The following FARS2 variants were observed in gnomAD, a reference collection of about 807,000 sequenced individuals.
The protein encoded by FARS2 is phenylalanyl-tRNA synthetase 2, mitochondrial, also known as phenylalanine--tRNA ligase, mitochondrial.
In FARS2, 40 loss-of-function variants were observed where a neutral mutation model predicts 46.4. The observed-to-expected ratio is 0.86, with a 90% CI of 0.67 to 1.12. The LOEUF (loss-of-function observed/expected upper bound fraction) is 1.12. FARS2 is among the 50% of genes most tolerant of loss of function. The pLI, the probability that FARS2 is intolerant of heterozygous loss-of-function variation, is 0.00. For missense variants in FARS2, 513 were observed against 567.9 expected (o/e 0.90, Z 0.98); for synonymous variants, 234 against 214.9 (o/e 1.09, Z -0.78).
rs1250274160 is a variant in FARS2 at position 5,481,379 on chromosome 6, G to A, written c.904+50207G>A. Among the ~76,000 whole-genome samples, 8 of 152,266 alleles carry A rather than the reference G, an allele frequency of 5.3e-5. No homozygotes were observed. The East Asian group carries it at 1.5e-3, about 29-fold the overall frequency. ...TTAAGGCTGCCCATGGTGTTGTGAAGGGAGAGTGAAGACATGGGGCACATT... is the reference window on the plus strand; with the variant it reads ...TTAAGGCTGCCCATGGTGTTGTGAAAGGAGAGTGAAGACATGGGGCACATT... On this transcript the variant is annotated intron_variant, in intron 4 of 6. Coordinates refer to ENST00000274680, the MANE Select transcript of FARS2 (RefSeq NM_006567.5).
At chr6:5,370,759 C>A (rs1581910500) in intron 2 of FARS2, among the ~76,000 whole-genome samples, 1 of 152,180 alleles carries the variant, frequency 6.6e-6, no homozygotes, top group East Asian at 1.9e-4. Flanking sequence ...GGAAATTAGC[C>A]TTCACCTTGT....
At chr6:5,539,257 A>T (rs1460066230) in intron 4 of FARS2, among the ~76,000 whole-genome samples, 2 of 150,352 alleles carry the variant, frequency 1.3e-5, no homozygotes, top group African/African-American at 4.9e-5. Flanking sequence ...CCCAGACTGG[A>T]GTGCAGTGGC....
chr6:5,488,272 A>G (rs1766897845), intron 4 of FARS2, among the ~76,000 whole-genome samples: 1 of 152,216 alleles, frequency 6.6e-6, no homozygotes, highest in Admixed American at 6.5e-5. Flanking sequence ...GATAATGTTC[A>G]AAAGGCTATC....
chr6:5,548,166 G>A (rs983284521), intron 5 of FARS2, among the ~76,000 whole-genome samples: 9 of 152,150 alleles, frequency 5.9e-5, no homozygotes, highest in Middle Eastern at 3.2e-3. Context: ...GGAAAGACCG[G>A]CCCCTGTGAT....
At chr6:5,337,241 G>T (rs1009028479) in intron 1 of FARS2, among the ~76,000 whole-genome samples, 1 of 151,680 alleles carries the variant, frequency 6.6e-6, no homozygotes, top group African/African-American at 2.4e-5. Context: ...GAGTTTGTTT[G>T]CTGTGTCAAG....
rs772082721 is a variant in FARS2, at chr6:5,369,096, G to A, written c.526G>A (p.Asp176Asn). 1.9e-6 allele frequency: 3 copies of A among 1,613,866 alleles called. No individual in the cohort carries two copies. Among genetic ancestry groups the A allele is most frequent in the South Asian group, 1.1e-5 (1 of 91,078 alleles). Residue 176 changes from aspartate (D) to asparagine (N), a missense_variant, in exon 2 of 7, where the codon GAT becomes AAT. Physicochemically the swap from Asp to Asn is conservative, Grantham distance 23 (BLOSUM62 1). Coordinates refer to ENST00000274680, the MANE Select transcript of FARS2 (RefSeq NM_006567.5). ...AGLDAFLVVG[D>N]VYRRDQIDSQ... is the part of the protein sequence containing the mutation. ...ACTGGATGCCTTCCTGGTGGTGGGTGATGTCTACAGGCGTGACCAGATCGA... is the reference window on the plus strand; with the variant it reads ...ACTGGATGCCTTCCTGGTGGTGGGTAATGTCTACAGGCGTGACCAGATCGA...
At chr6:5,730,698 G>A (rs1260379422) in intron 6 of FARS2, among the ~76,000 whole-genome samples, 1 of 152,078 alleles carries the variant, frequency 6.6e-6, no homozygotes, top group African/African-American at 2.4e-5. Flanking sequence ...GCAAGAGTTG[G>A]CAATCTTCTA....
intron 1 of FARS2, among the ~76,000 whole-genome samples, chr6:5,296,459 G>T (rs907688970): frequency 6.6e-6 from 1 of 152,026 alleles, no homozygotes; most frequent in South Asian, 2.1e-4. Flanking sequence ...CCATTTTTAA[G>T]CATACAGTTC....
At chr6:5,487,056 G>T (rs944681681) in intron 4 of FARS2, among the ~76,000 whole-genome samples, 2 of 152,174 alleles carry the variant, frequency 1.3e-5, no homozygotes, top group African/African-American at 4.8e-5. Context: ...CAGGGGTATT[G>T]ATGATTCTTT....
chr6:5,517,320 T>C (rs1223808935), intron 4 of FARS2, among the ~76,000 whole-genome samples: 3 of 152,062 alleles, frequency 2.0e-5, no homozygotes, highest in Non-Finnish European at 4.4e-5. Context: ...AGTATAAATA[T>C]ACACTGAGGT....
At chr6:5,637,374 C>T (rs1212050714) in intron 6 of FARS2, among the ~76,000 whole-genome samples, 1 of 152,218 alleles carries the variant, frequency 6.6e-6, no homozygotes. Flanking sequence ...GGCTTTTGCA[C>T]GCCTGGGCAT....
chr6:5,389,786 T>C (rs1760374924), intron 2 of FARS2, among the ~76,000 whole-genome samples: 1 of 152,230 alleles, frequency 6.6e-6, no homozygotes, highest in South Asian at 2.1e-4. Context: ...GATTTTCCTC[T>C]CTGAAACAAA....
intron 4 of FARS2, among the ~76,000 whole-genome samples, chr6:5,543,377 GTT>G (rs33960204): frequency 2.1e-5 from 3 of 143,968 alleles, no homozygotes; most frequent in East Asian, 2.0e-4. Context: ...GTTGGTGGTG[GTT>G]TTTTTTTTTT....
At chr6:5,593,154 G>A (rs1260036633) in intron 5 of FARS2, among the ~76,000 whole-genome samples, 1 of 152,180 alleles carries the variant, frequency 6.6e-6, no homozygotes, top group Non-Finnish European at 1.5e-5. Flanking sequence ...GAACAAGTGA[G>A]GAGGGGTGGA....
chr6:5,666,905 C>CA (rs1375209342), intron 6 of FARS2, among the ~76,000 whole-genome samples: 1 of 152,232 alleles, frequency 6.6e-6, no homozygotes, highest in Non-Finnish European at 1.5e-5. Flanking sequence ...AGAATGCGAT[C>CA]ATGTCCTTTG....
chr6:5,267,239 A>G (rs1056747597), intron 1 of FARS2, among the ~76,000 whole-genome samples: 1 of 151,412 alleles, frequency 6.6e-6, no homozygotes, highest in Non-Finnish European at 1.5e-5. Flanking sequence ...GACCACCATG[A>G]GAATTCTTTT....
chr6:5,571,849 C>T (rs1180822466), intron 5 of FARS2, among the ~76,000 whole-genome samples: 1 of 152,072 alleles, frequency 6.6e-6, no homozygotes, highest in African/African-American at 2.4e-5. Flanking sequence ...CCCTCTTTAC[C>T]CCCATCTGTT....
rs370151542 is a variant in FARS2, at chr6:5,737,078, A to G, written c.1218-34213A>G. On this transcript the variant is annotated intron_variant, in intron 6 of 6. Transcript: ENST00000274680. ...AATGAAATCAGACTTCACAGGTACC[A>G]TACATTAGCAACACAGATGACCCTG... 3.5e-4 allele frequency among the ~76,000 whole-genome samples: 53 copies of G among 152,330 alleles called. No homozygotes were observed. In the East Asian group the frequency reaches 6.4e-3, roughly 18 times the overall value.
chr6:5,750,863 C>T (rs1409085795), intron 6 of FARS2, among the ~76,000 whole-genome samples: 1 of 152,138 alleles, frequency 6.6e-6, no homozygotes, highest in Non-Finnish European at 1.5e-5. Flanking sequence ...CTGTGATCAT[C>T]TCTCATGGTC....
Sources: gnomAD v4.1 joint callset for allele counts (sites outside exome capture counted in the v4.1 genomes callset) on GRCh38, gnomAD v4.1.1 for gene constraint, MANE v1.5 for transcripts, NCBI Gene and HGNC (gene_info 2026-07-23, HGNC 2026-07-21) for gene names.